The following PGM2 variants were observed in gnomAD, a reference collection of about 807,000 sequenced individuals.
PGM2 encodes the protein phosphoglucomutase 2, also known as phosphopentomutase.
In PGM2, 57 loss-of-function variants were observed where a neutral mutation model predicts 74.6. That is an observed-to-expected ratio of 0.76 (90% CI 0.62 to 0.95). The LOEUF is 0.95. Among genes scored for constraint, PGM2 ranks in the 40% least tolerant of loss-of-function variants. The pLI, the probability that PGM2 is intolerant of heterozygous loss-of-function variation, is 0.00. For synonymous variants in PGM2, 273 were observed against 260.7 expected (o/e 1.05, Z -0.46); for missense variants, 706 against 741.9 (o/e 0.95, Z 0.56).
intron 13 of PGM2, among the ~76,000 whole-genome samples, chr4:37,857,895 C>G (rs1452592619): frequency 6.6e-6 from 1 of 152,072 alleles, no homozygotes. Context: ...TTTTTGTAAA[C>G]ATTTCTTTAT....
chr4:37,827,794 G>A (rs77864400), intron 1 of PGM2, among the ~76,000 whole-genome samples: 2,180 of 152,238 alleles, frequency 0.014, 28 homozygotes, highest in Non-Finnish European at 0.021. Context: ...CAGTCTCACA[G>A]GACTCGCGCT....
intron 2 of PGM2, among the ~76,000 whole-genome samples, chr4:37,833,222 C>T (rs1261977345): frequency 6.6e-6 from 1 of 152,188 alleles, no homozygotes; most frequent in Non-Finnish European, 1.5e-5. Flanking sequence ...ATTAGCTTGG[C>T]TCTCGCAACA....
At chr4:37,838,115 A>G (rs1258204194) in intron 4 of PGM2, among the ~76,000 whole-genome samples, 3 of 152,198 alleles carry the variant, frequency 2.0e-5, no homozygotes, top group East Asian at 1.9e-4. Context: ...TCCTGGCCTC[A>G]GGTGATCCAC....
At chr4:37,851,146 C>T (rs996215837) in intron 12 of PGM2, among the ~76,000 whole-genome samples, 1 of 152,162 alleles carries the variant, frequency 6.6e-6, no homozygotes. Flanking sequence ...ATCTCAGGAT[C>T]CAGCATTCTC....
intron 12 of PGM2, among the ~76,000 whole-genome samples, chr4:37,854,844 G>A (rs1005791305): frequency 3.3e-5 from 5 of 151,838 alleles, no homozygotes; most frequent in African/African-American, 4.8e-5. Flanking sequence ...AATAGAACTA[G>A]GGAAGTAAAA....
At chr4:37,846,414 G>A (rs1725873599) in intron 8 of PGM2, among the ~76,000 whole-genome samples, 1 of 152,158 alleles carries the variant, frequency 6.6e-6, no homozygotes. Context: ...TGATAGGTGA[G>A]ATTTACTTCT....
intron 10 of PGM2, among the ~76,000 whole-genome samples, chr4:37,847,887 T>G (rs912354616): frequency 1.1e-4 from 17 of 152,266 alleles, no homozygotes; most frequent in African/African-American, 4.1e-4. Flanking sequence ...TAAAAACTAT[T>G]ATGCATTAGA....
At position 37,855,672 on chromosome 4, in the gene PGM2, C is replaced by T; in HGVS notation, c.1667C>T (p.Thr556Ile). The change falls in exon 13 of 14, where the codon ACC (threonine) becomes ATC (isoleucine). Residue 556 changes from threonine (T) to isoleucine (I), a missense_variant. By Grantham distance (89) the Thr-to-Ile change is moderately conservative. Around this residue, in one of 3 missense-constraint regions of PGM2, gnomAD observed 359 missense variants for 371.1 expected, o/e 0.97. Coordinates refer to ENST00000381967, the MANE Select transcript of PGM2 (RefSeq NM_018290.4). ...TFTFANGGVA[T>I]MRTSGTEPKI... Reference sequence around the variant, plus strand: ...ACCTTTGCTAATGGAGGCGTGGCCACCATGCGCACCAGTGGGACAGAGCCC... The same window carrying T: ...ACCTTTGCTAATGGAGGCGTGGCCATCATGCGCACCAGTGGGACAGAGCCC... 6.2e-7 allele frequency: 1 copy of T among 1,614,068 alleles called. No individual in the cohort carries two copies. Among genetic ancestry groups the T allele is most frequent in the Non-Finnish European group, 8.5e-7 (1 of 1,179,940 alleles).
Position 37,847,251 on chromosome 4 carries a change from T to C in PGM2, c.1238T>C (p.Ile413Thr), listed in dbSNP as rs1336209674. 1.9e-6 allele frequency: 3 copies of C among 1,613,874 alleles called. No individual in the cohort carries two copies. Among genetic ancestry groups the C allele is most frequent in the Non-Finnish European group, 2.5e-6 (3 of 1,179,888 alleles). ...ATGGGAAACAGAGCCAAACAGCTAA[T>C]AGACCAGGGGAAAACTGTTTTATTT... ...KWMGNRAKQLIDQGKTVLFAF... is the reference protein window; with the variant it reads ...KWMGNRAKQLTDQGKTVLFAF... Residue 413 changes from isoleucine to threonine, a missense_variant, in exon 10 of 14, where the codon ATA becomes ACA. Ile to Thr is a moderately conservative substitution (Grantham distance 89). Around this residue, in one of 3 missense-constraint regions of PGM2, gnomAD observed 359 missense variants for 371.1 expected, o/e 0.97. Coordinates refer to ENST00000381967, the MANE Select transcript of PGM2 (RefSeq NM_018290.4).
chr4:37,849,404 CTTTTTT>C (rs34587864), intron 11 of PGM2, among the ~76,000 whole-genome samples: 244 of 62,876 alleles, frequency 3.9e-3, no homozygotes, highest in African/African-American at 0.014. Context: ...TGTTGGACCT[CTTTTTT>C]TTTTTTTTTT....
Position 37,840,046 on chromosome 4 carries a change from T to G in PGM2, c.526-20T>G. On this transcript the variant is annotated intron_variant, in intron 5 of 13. Transcript: ENST00000381967. Reference sequence around the variant, plus strand: ...TTCCATTAACTGTAAACCTTCTGAATGTGTTCCTGGGTCCTCTAGGTCTAT... The same window carrying G: ...TTCCATTAACTGTAAACCTTCTGAAGGTGTTCCTGGGTCCTCTAGGTCTAT... 1 of 1,600,022 alleles carries G rather than the reference T, an allele frequency of 6.2e-7. No homozygotes were observed. Among genetic ancestry groups the G allele is most frequent in the Middle Eastern group, 1.7e-4 (1 of 6,028 alleles).
In PGM2 at chr4:37,862,524, CAAAT is replaced by C. The variant is rs1176905882; in HGVS notation, c.*914_*917del. The C allele has an allele frequency of 6.6e-6, 1 of 152,048 alleles. No individual in the cohort carries two copies. Among genetic ancestry groups the C allele is most frequent in the African/African-American group, 2.4e-5 (1 of 41,408 alleles). The allele number at this position is 152,048 out of a possible 1,614,324, so 9.4% of individuals were successfully genotyped here. A position where few individuals can be genotyped will look rare whatever the true frequency, so the allele number is the denominator to read the frequency against. The stretch of plus-strand genomic sequence containing the variant: ...TTTCCTATAAGCCAATTTCTAATAA[CAAAT>C]AGATTTATTATTTAATCTGTACCTT... On this transcript the variant is annotated 3_prime_UTR_variant, in exon 14 of 14. Transcript: ENST00000381967.
chr4:37,839,807 T>A, intron 4 of PGM2, 41 bp from the exon 5 acceptor site: 1 of 1,134,070 alleles, frequency 8.8e-7, no homozygotes, highest in South Asian at 1.2e-5. Flanking sequence ...CTGGTTATTT[T>A]CGTTAAAAAC....
chr4:37,836,480 C>T (rs1725569008), intron 3 of PGM2, among the ~76,000 whole-genome samples: 1 of 152,128 alleles, frequency 6.6e-6, no homozygotes. Context: ...TGGTGGGGAA[C>T]GTAAGCAGTA....
rs59025988 is a variant in PGM2 at position 37,831,454 on chromosome 4, T to C, written c.249+1323T>C. 4.1e-3 allele frequency among the ~76,000 whole-genome samples: 629 copies of C among 152,318 alleles called. 36 individuals carry two copies. In the East Asian group the frequency reaches 0.087, roughly 21 times the overall value. ...ATTTATTTTGCTCACAAATCTGCAA[T>C]TTTGGTAGAACTCAGTGGGGACAGC... On this transcript the variant is annotated intron_variant, in intron 2 of 13. Coordinates refer to ENST00000381967, the MANE Select transcript of PGM2 (RefSeq NM_018290.4).
chr4:37,827,554 T>C (rs1725325462), intron 1 of PGM2, among the ~76,000 whole-genome samples: 1 of 151,502 alleles, frequency 6.6e-6, no homozygotes, highest in African/African-American at 2.4e-5. Context: ...TTTCTCCCGT[T>C]GTGACTCATA....
At chr4:37,837,420 G>T (rs1725596436) in intron 3 of PGM2, 109 bp from the exon 4 acceptor site, 7 of 767,316 alleles carry the variant, frequency 9.1e-6, no homozygotes, top group Non-Finnish European at 1.4e-5. Context: ...CCTTGATCTG[G>T]ATGCTGCATT....
chr4:37,839,665 C>A lies in PGM2; in HGVS notation c.442-183C>A, dbSNP rs1304418622. 5 of 691,726 alleles carry A rather than the reference C, an allele frequency of 7.2e-6. No homozygotes were observed. The Admixed American group carries it at 1.0e-4, about 14-fold the overall frequency. The allele number at this position is 691,726 out of a possible 1,614,324, so 42.8% of individuals were successfully genotyped here. ...AGGAAATACATCCTGGAATTATGAGCAGCCAGTTAATTCTAAGGGTAATTG... is the reference window on the plus strand; with the variant it reads ...AGGAAATACATCCTGGAATTATGAGAAGCCAGTTAATTCTAAGGGTAATTG... On this transcript the variant is annotated intron_variant, in intron 4 of 13. Coordinates refer to ENST00000381967, the MANE Select transcript of PGM2 (RefSeq NM_018290.4).
At chr4:37,847,374 A>G (rs753854273) in intron 10 of PGM2, 79 bp downstream of exon 10, 16 of 1,037,180 alleles carry the variant, frequency 1.5e-5, no homozygotes, top group Non-Finnish European at 2.1e-5. Flanking sequence ...AAAGATCCAC[A>G]GTGAAACACG....
Sources: gnomAD v4.1 joint callset for allele counts (sites outside exome capture counted in the v4.1 genomes callset) on GRCh38, gnomAD v4.1.1 for gene constraint, gnomAD v4.1.1 regional missense constraint, MANE v1.5 for transcripts, NCBI Gene and HGNC (gene_info 2026-07-23, HGNC 2026-07-21) for gene names.